The following VWA3B variants were observed in gnomAD, a reference collection of about 807,000 sequenced individuals.
VWA3B encodes the protein von Willebrand factor A domain containing 3B.
In VWA3B, 138 loss-of-function variants were observed where a neutral mutation model predicts 158.3. The ratio of observed to expected loss-of-function variants is 0.87; its 90% CI spans 0.76 to 1.00. The LOEUF is 1.00. Ranked by LOEUF, VWA3B falls within the 50% of genes least tolerant of loss-of-function variation. The pLI is 0.00. For synonymous variants in VWA3B, 596 were observed against 587.3 expected, an observed-to-expected ratio of 1.01 and a Z score of -0.21; for missense variants, 1,555 against 1,565.1, an observed-to-expected ratio of 0.99 and a Z score of 0.11.
chr2:98,279,867 A>G (rs1688766927), intron 22 of VWA3B, among the ~76,000 whole-genome samples: 1 of 152,168 alleles, frequency 6.6e-6, no homozygotes, highest in African/African-American at 2.4e-5. Flanking sequence ...GAGCAGGGCA[A>G]GGAAGGGCAG....
intron 1 of VWA3B, among the ~76,000 whole-genome samples, chr2:98,092,630 G>A (rs1328347406): frequency 1.3e-5 from 2 of 151,676 alleles, no homozygotes; most frequent in African/African-American, 2.4e-5. Flanking sequence ...GCAACAGAGC[G>A]AGACTCCTTC....
intron 13 of VWA3B, chr2:98,212,277 C>A: frequency 3.0e-6 from 1 of 333,006 alleles, no homozygotes; most frequent in Non-Finnish European, 5.5e-6. Context: ...GCCTGGAGAC[C>A]AGCCCCACAA....
intron 19 of VWA3B, among the ~76,000 whole-genome samples, chr2:98,237,582 T>G (rs1308381265): frequency 6.6e-6 from 1 of 152,146 alleles, no homozygotes; most frequent in African/African-American, 2.4e-5. Flanking sequence ...AACTTAACAC[T>G]GAATTTGGCA....
chr2:98,183,423 A>C (rs1680758924), intron 9 of VWA3B, among the ~76,000 whole-genome samples: 1 of 152,194 alleles, frequency 6.6e-6, no homozygotes, highest in Non-Finnish European at 1.5e-5. Context: ...AGACCCAGGA[A>C]ACTCGTTAAC....
At chr2:98,238,246 TG>T (rs1685832404) in intron 19 of VWA3B, among the ~76,000 whole-genome samples, 1 of 152,194 alleles carries the variant, frequency 6.6e-6, no homozygotes, top group African/African-American at 2.4e-5. Flanking sequence ...GGCTGGTTCC[TG>T]GCTACTTTGC....
chr2:98,308,241 C>G lies in VWA3B; in HGVS notation c.3522-3578C>G, dbSNP rs1690648235. Among the ~76,000 whole-genome samples the G allele has an allele frequency of 5.3e-5, 8 of 152,278 alleles. No individual in the cohort carries two copies. In the South Asian group the frequency reaches 1.7e-3, roughly 32 times the overall value. ...AACCAGCTAGGCGGGTGCAGATTTT[C>G]TCTTTCCTTTGCAGCATGACGACGG... On this transcript the variant is annotated intron_variant, in intron 26 of 27. Transcript: ENST00000477737.
At chr2:98,207,397 G>A in intron 12 of VWA3B, 2 of 477,846 alleles carry the variant, frequency 4.2e-6, no homozygotes, top group South Asian at 3.3e-5. Context: ...GCATAATGAT[G>A]TTGCCCGTGG....
intron 1 of VWA3B, among the ~76,000 whole-genome samples, chr2:98,088,791 T>G (rs2104786836): frequency 6.6e-6 from 1 of 152,176 alleles, no homozygotes; most frequent in Non-Finnish European, 1.5e-5. Flanking sequence ...TCTCGCTCTG[T>G]CCCCCAGGCT....
At chr2:98,188,535 C>T (rs935345364) in intron 10 of VWA3B, among the ~76,000 whole-genome samples, 2 of 152,200 alleles carry the variant, frequency 1.3e-5, no homozygotes, top group African/African-American at 2.4e-5. Flanking sequence ...CAGTTCTACT[C>T]ACTACCTCTA....
chr2:98,218,786 GA>G (rs1322515534), intron 14 of VWA3B, among the ~76,000 whole-genome samples: 19 of 152,196 alleles, frequency 1.2e-4, no homozygotes, highest in Non-Finnish European at 2.2e-4. Context: ...TGCTTCATGT[GA>G]GTGAACTACC....
chr2:98,300,163 A>G lies in VWA3B; in HGVS notation c.3367A>G (p.Lys1123Glu). ...TGCCATTGTCATAGCACTTCCCAATAAGCATGTGGCCACAGAAAAATTCTA... is the reference window on the plus strand; with the variant it reads ...TGCCATTGTCATAGCACTTCCCAATGAGCATGTGGCCACAGAAAAATTCTA... ...VPAIVIALPN[K>E]HVATEKFYTV... The change falls in exon 25 of 28, where the codon AAG (lysine) becomes GAG (glutamate). Residue 1123 changes from lysine (K) to glutamate (E), a missense_variant. Coordinates refer to ENST00000477737, the MANE Select transcript of VWA3B (RefSeq NM_144992.5). 6.2e-7 allele frequency: 1 copy of G among 1,614,216 alleles called. No individual in the cohort carries two copies. The highest frequency in any genetic ancestry group is 8.5e-7 in the Non-Finnish European group (1 of 1,180,032).
intron 25 of VWA3B, among the ~76,000 whole-genome samples, chr2:98,301,308 A>G (rs2105988345): frequency 6.6e-6 from 1 of 152,052 alleles, no homozygotes; most frequent in African/African-American, 2.4e-5. Context: ...AAAAAAACAA[A>G]ACAAAAAAAA....
At chr2:98,156,081 G>A (rs941899364) in intron 7 of VWA3B, among the ~76,000 whole-genome samples, 3 of 152,208 alleles carry the variant, frequency 2.0e-5, no homozygotes, top group African/African-American at 7.2e-5. Context: ...GCATTTCAGG[G>A]GCGTCTGCCA....
At chr2:98,299,785 C>T (rs1690060273) in intron 24 of VWA3B, among the ~76,000 whole-genome samples, 1 of 152,138 alleles carries the variant, frequency 6.6e-6, no homozygotes, top group African/African-American at 2.4e-5. Flanking sequence ...TTCAACTAGT[C>T]TCTTTAGGGT....
intron 8 of VWA3B, among the ~76,000 whole-genome samples, chr2:98,179,786 TTTTCTTTC>T (rs202210762): frequency 0.16 from 18,048 of 116,386 alleles, 1,705 homozygotes; most frequent in African/African-American, 0.28. Flanking sequence ...TTTCTCTTTC[TTTTCTTTC>T]TTTCTTTCTT....
Position 98,203,147 on chromosome 2 carries a change from G to A in VWA3B, c.1737+8655G>A, listed in dbSNP as rs150490521. Among the ~76,000 whole-genome samples, 664 of 152,118 alleles carry A rather than the reference G, an allele frequency of 4.4e-3. 4 individuals carry two copies. The highest frequency in any genetic ancestry group is 0.027 in the South Asian group (129 of 4,820). On this transcript the variant is annotated intron_variant, in intron 12 of 27. Transcript: ENST00000477737. ...CACCCGGCCGGTTTATTTATTTTTC[G>A]CCTATGAATGTGCAATTCTTGTGAC...
intron 8 of VWA3B, among the ~76,000 whole-genome samples, chr2:98,178,339 C>T (rs946912239): frequency 6.6e-6 from 1 of 152,138 alleles, no homozygotes. Context: ...TTTGAGAAGT[C>T]CCCACTCTAG....
At chr2:98,122,958 G>C (rs889442265) in intron 5 of VWA3B, among the ~76,000 whole-genome samples, 2 of 152,220 alleles carry the variant, frequency 1.3e-5, no homozygotes, top group African/African-American at 4.8e-5. Context: ...GCCCTGCACA[G>C]ACCGCTGTGC....
chr2:98,188,157 G>T, intron 10 of VWA3B, 28 bp downstream of exon 10: 5 of 1,600,828 alleles, frequency 3.1e-6, no homozygotes, highest in Non-Finnish European at 4.3e-6. Flanking sequence ...GAAGTTACAA[G>T]TGGTCTCCTC....
Sources: gnomAD v4.1 joint callset for allele counts (sites outside exome capture counted in the v4.1 genomes callset) on GRCh38, gnomAD v4.1.1 for gene constraint, MANE v1.5 for transcripts, NCBI Gene and HGNC (gene_info 2026-07-23, HGNC 2026-07-21) for gene names.